Variants in LBR observed in about 807,000 individuals in gnomAD.
The protein encoded by LBR is lamin B receptor.
Under a neutral mutation model 74.3 loss-of-function variants are expected in LBR, and 28 were observed. The observed-to-expected ratio is 0.38, with a 90% CI of 0.28 to 0.52. The LOEUF is 0.52. Ranked by LOEUF, LBR falls within the 20% of genes least tolerant of loss-of-function variation. The pLI is 0.89. For missense variants in LBR, 717 were observed against 760.3 expected (o/e 0.94, Z 0.67); for synonymous variants, 228 against 269.3 (o/e 0.85, Z 1.50).
At chr1:225,404,819 CAGACTCCT>C in intron 11 of LBR, 113 bp from the exon 12 acceptor site, 1 of 831,604 alleles carries the variant, frequency 1.2e-6, no homozygotes. Context: ...ATTTCCAAAG[CAGACTCCT>C]AGGCTCAAGA....
intron 1 of LBR, among the ~76,000 whole-genome samples, chr1:225,426,034 A>G (rs16844878): frequency 0.28 from 42,540 of 152,228 alleles, 6,813 homozygotes; most frequent in East Asian, 0.4. Context: ...ATTCTGGGTT[A>G]AACAAGTTAA....
chr1:225,410,781 A>G (rs2096103425), intron 9 of LBR, among the ~76,000 whole-genome samples: 1 of 152,268 alleles, frequency 6.6e-6, no homozygotes, highest in South Asian at 2.1e-4. Flanking sequence ...CTAAGAAGGA[A>G]TAACAACTAA....
At position 225,410,360 on chromosome 1, in the gene LBR, A is replaced by G. The variant is rs892983821; in HGVS notation, c.1245T>C (p.Val415=). ...TAACTAAAATCATGGCCAAGGATGG[A>G]ACAGCGCGGTCCTGTATTTTCATTT... ...LAEMKIQDRA[V]PSLAMILVNS... The change falls in exon 10 of 14, where the codon GTT becomes GTC. Residue 415 remains valine, a synonymous_variant. Transcript: ENST00000272163. 1 of 1,614,096 alleles carries G rather than the reference A, an allele frequency of 6.2e-7. No individual in the cohort carries two copies. The highest frequency in any genetic ancestry group is 1.3e-5 in the African/African-American group (1 of 74,936).
At chr1:225,426,824 C>A (rs756925820) in intron 1 of LBR, among the ~76,000 whole-genome samples, 1 of 152,198 alleles carries the variant, frequency 6.6e-6, no homozygotes, top group Non-Finnish European at 1.5e-5. Flanking sequence ...GGCAGAAGCG[C>A]CTTCTTCCCC....
At chr1:225,406,590 T>G in intron 11 of LBR, 74 bp downstream of exon 11, 1 of 1,311,002 alleles carries the variant, frequency 7.6e-7, no homozygotes, top group Non-Finnish European at 1.1e-6. Context: ...GTTTCAAGTA[T>G]GTAGACAGCA....
rs757805606 is a variant in LBR, at chr1:225,418,094, A to T, written c.727T>A (p.Phe243Ile). 4.3e-6 allele frequency: 7 copies of T among 1,614,096 alleles called. No homozygotes were observed. The highest frequency in any genetic ancestry group is 5.9e-6 in the Non-Finnish European group (7 of 1,180,034). The change falls in exon 6 of 14, where the codon TTC becomes ATC. Residue 243 changes from phenylalanine (F) to isoleucine (I), a missense_variant. Transcript: ENST00000272163. ...CKQKDPSLLNFPPPLPALYEL... is the reference protein window; with the variant it reads ...CKQKDPSLLNIPPPLPALYEL... Reference sequence around the variant, plus strand: ...TACAAAGCTGGCAAAGGAGGAGGGAAATTCAGAAGACTGGGATCTTTCTGT... The same window carrying T: ...TACAAAGCTGGCAAAGGAGGAGGGATATTCAGAAGACTGGGATCTTTCTGT...
chr1:225,416,783 C>T (rs957534139), intron 6 of LBR, among the ~76,000 whole-genome samples: 1 of 152,208 alleles, frequency 6.6e-6, no homozygotes, highest in African/African-American at 2.4e-5. Context: ...TTCCCTAATA[C>T]AGTATGATAA....
chr1:225,423,994 G>A lies in LBR; in HGVS notation c.82C>T (p.Leu28=). Residue 28 remains leucine (L), a synonymous_variant, in exon 2 of 14, where the codon CTG becomes TTG. Transcript: ENST00000272163. ...GSSLYYEVEI[L]SHDSTSQLYT... Reference sequence around the variant, plus strand: ...AGCTGGGAGGTGCTGTCGTGGCTCAGAATTTCTACTTCATAATAAAGTGAA... The same window carrying A: ...AGCTGGGAGGTGCTGTCGTGGCTCAAAATTTCTACTTCATAATAAAGTGAA... The A allele has an allele frequency of 1.9e-6, 3 of 1,613,952 alleles. No homozygotes were observed. The highest frequency in any genetic ancestry group is 2.5e-6 in the Non-Finnish European group (3 of 1,179,878).
intron 4 of LBR, 33 bp downstream of exon 4, chr1:225,419,682 A>G (rs1205829866): frequency 1.5e-5 from 23 of 1,523,976 alleles, no homozygotes; most frequent in Non-Finnish European, 2.1e-5. Flanking sequence ...AGAAAAAAAA[A>G]AACAACCAAG....
chr1:225,416,257 A>G (rs1393133474), intron 6 of LBR, among the ~76,000 whole-genome samples: 1 of 151,950 alleles, frequency 6.6e-6, no homozygotes, highest in Non-Finnish European at 1.5e-5. Flanking sequence ...CATGCATCAG[A>G]ACCATCTCCT....
chr1:225,417,502 C>T (rs566951791), intron 6 of LBR: 1 of 152,888 alleles, frequency 6.5e-6, no homozygotes, highest in South Asian at 2.0e-4. Flanking sequence ...AAATTAGAAA[C>T]TTTTCATACT....
intron 6 of LBR, among the ~76,000 whole-genome samples, chr1:225,417,258 C>T (rs1007912295): frequency 6.6e-5 from 10 of 152,112 alleles, no homozygotes; most frequent in Admixed American, 3.3e-4. Context: ...CCAGTAAAAC[C>T]GATCCTTTGG....
At chr1:225,423,468 C>T (rs1413862921) in intron 2 of LBR, among the ~76,000 whole-genome samples, 1 of 151,894 alleles carries the variant, frequency 6.6e-6, no homozygotes, top group Non-Finnish European at 1.5e-5. Flanking sequence ...CAGCACTTGG[C>T]TGACTGTGTC....
At chr1:225,422,405 T>C (rs900552491) in intron 2 of LBR, 128 bp from the exon 3 acceptor site, 3 of 776,718 alleles carry the variant, frequency 3.9e-6, no homozygotes, top group Non-Finnish European at 6.6e-6. Flanking sequence ...CGGGAAATGT[T>C]AGGATCTGAG....
Position 225,402,620 on chromosome 1 carries a change from C to T in LBR, c.*683G>A, listed in dbSNP as rs2096083747. ...TTGTTAAAAAGACAGTTAGTCCTGA[C>T]AATCATCTCACATTCAAAATACTGT... On this transcript the variant is annotated 3_prime_UTR_variant, in exon 14 of 14. Coordinates refer to ENST00000272163, the MANE Select transcript of LBR (RefSeq NM_002296.4). 1 of 152,568 alleles carries T rather than the reference C, an allele frequency of 6.6e-6. No individual in the cohort carries two copies. Among genetic ancestry groups the T allele is most frequent in the Non-Finnish European group, 1.5e-5 (1 of 68,014 alleles). The allele number at this position is 152,568 out of a possible 1,614,324, so 9.5% of individuals were successfully genotyped here. A position where few individuals can be genotyped will look rare whatever the true frequency, so the allele number is the denominator to read the frequency against.
intron 10 of LBR, among the ~76,000 whole-genome samples, chr1:225,409,595 G>A (rs2096100303): frequency 6.6e-6 from 1 of 151,978 alleles, no homozygotes; most frequent in African/African-American, 2.4e-5. Flanking sequence ...TTTTTAATAT[G>A]GAAAGAAAAC....
At chr1:225,413,073 G>A (rs1015162823) in intron 7 of LBR, among the ~76,000 whole-genome samples, 3 of 152,346 alleles carry the variant, frequency 2.0e-5, no homozygotes, top group South Asian at 2.1e-4. Flanking sequence ...GTCAGGCACC[G>A]AGCCAGGTTG....
At chr1:225,408,147 G>A (rs986929834) in intron 10 of LBR, among the ~76,000 whole-genome samples, 3 of 152,140 alleles carry the variant, frequency 2.0e-5, no homozygotes, top group Non-Finnish European at 4.4e-5. Context: ...CTATCGAGTG[G>A]TAATTTTGTA....
intron 11 of LBR, among the ~76,000 whole-genome samples, chr1:225,405,952 G>A (rs2096090614): frequency 6.6e-6 from 1 of 152,104 alleles, no homozygotes; most frequent in African/African-American, 2.4e-5. Context: ...TCTAGTATAA[G>A]TGTTTAGTGA....
Sources: gnomAD v4.1 joint callset for allele counts (sites outside exome capture counted in the v4.1 genomes callset) on GRCh38, gnomAD v4.1.1 for gene constraint, MANE v1.5 for transcripts, NCBI Gene and HGNC (gene_info 2026-07-23, HGNC 2026-07-21) for gene names.